Variants in TBXT observed in about 807,000 individuals in gnomAD.
TBXT encodes T brachyury transcription factor.
TBXT carries 19 observed loss-of-function variants against 41.1 expected under a neutral mutation model. That is an observed-to-expected ratio of 0.46 (90% CI 0.32 to 0.68). The LOEUF (loss-of-function observed/expected upper bound fraction) is 0.68. Among genes scored for constraint, TBXT ranks in the 30% least tolerant of loss-of-function variants. The pLI, the probability that TBXT is intolerant of heterozygous loss-of-function variation, is 0.03. For missense variants in TBXT, 536 were observed against 582.0 expected, an observed-to-expected ratio of 0.92 and a Z score of 0.81; for synonymous variants, 213 against 238.9, an observed-to-expected ratio of 0.89 and a Z score of 1.00.
chr6:166,166,604 G>A lies in TBXT; in HGVS notation c.459C>T (p.Asn153=). ...FSKVKLTNKL[N]GGGQIMLNSL... is the part of the protein sequence containing the mutation. ...TCCTCACACCTACCTGGCCCCCTCC[G>A]TTGAGCTTGTTGGTGAGCTTGACTT... The change falls in exon 2 of 8, where the codon AAC becomes AAT. Residue 153 remains asparagine, a synonymous_variant. Coordinates refer to ENST00000366876, the MANE Select transcript of TBXT (RefSeq NM_001366285.2). The A allele has an allele frequency of 6.2e-7, 1 of 1,613,962 alleles. No individual in the cohort carries two copies. Among genetic ancestry groups the A allele is most frequent in the Non-Finnish European group, 8.5e-7 (1 of 1,179,980 alleles).
Position 166,167,567 on chromosome 6 carries a change from C to T in TBXT, c.25G>A (p.Ala9Thr), listed in dbSNP as rs1779164387. Residue 9 changes from alanine (A) to threonine (T), a missense_variant, in exon 1 of 8, where the codon GCG (alanine) becomes ACG (threonine). Transcript: ENST00000366876. ...ACTCGGTACTGCAGGCTCTTTCCCG[C>T]GCTCTCGGTGCCAGGGGAGCTCATC... is the stretch of plus-strand genomic sequence containing the variant. The part of the protein sequence containing the change: MSSPGTES[A>T]GKSLQYRVDH... The T allele has an allele frequency of 1.9e-6, 3 of 1,575,760 alleles. No individual in the cohort carries two copies. Among genetic ancestry groups the T allele is most frequent in the Non-Finnish European group, 2.6e-6 (3 of 1,166,574 alleles).
At chr6:166,165,343 C>CA (rs1427571589) in intron 3 of TBXT, among the ~76,000 whole-genome samples, 1 of 152,052 alleles carries the variant, frequency 6.6e-6, no homozygotes, top group African/African-American at 2.4e-5. Flanking sequence ...GTTGCCCCCC[C>CA]ACCCTTTGGG....
At position 166,160,938 on chromosome 6, in the gene TBXT, T is replaced by C; in HGVS notation, c.936A>G (p.Leu312=). The part of the protein sequence containing the change: ...PTYSDNSPAC[L]SMLQSHDNWS... ...AATTGTCATGGGATTGCAGCATGGA[T>C]AAACATGCAGGTGAGTTGTCAGAAT... is the stretch of plus-strand genomic sequence containing the variant. Residue 312 remains leucine (L), a synonymous_variant, in exon 7 of 8, where the codon TTA becomes TTG. Coordinates refer to ENST00000366876, the MANE Select transcript of TBXT (RefSeq NM_001366285.2). 6.2e-7 allele frequency: 1 copy of C among 1,614,028 alleles called. No individual in the cohort carries two copies. The highest frequency in any genetic ancestry group is 2.2e-5 in the East Asian group (1 of 44,880).
chr6:166,164,374 C>T lies in TBXT; in HGVS notation c.730+231G>A, dbSNP rs2305087. Among the ~76,000 whole-genome samples, 864 of 152,336 alleles carry T rather than the reference C, an allele frequency of 5.7e-3. 9 individuals carry two copies. The highest frequency in any genetic ancestry group is 6.4e-3 in the East Asian group (33 of 5,186). On this transcript the variant is annotated intron_variant, in intron 5 of 7. Coordinates refer to ENST00000366876, the MANE Select transcript of TBXT (RefSeq NM_001366285.2). ...CCCAGGCATGGTGGCAGCTGCCTCA[C>T]GGCAAAACAAAAGCACCCAGGAGAG...
intron 7 of TBXT, among the ~76,000 whole-genome samples, chr6:166,159,128 C>T (rs1371779051): frequency 2.6e-5 from 4 of 152,208 alleles, no homozygotes; most frequent in Non-Finnish European, 5.9e-5. Flanking sequence ...GCTGGGATTG[C>T]ACCATTGCAC....
chr6:166,164,843 T>C lies in TBXT; in HGVS notation c.625A>G (p.Lys209Glu). ...AAAGCTTTTGCAAATGGATTGTACTTAATTTTAAGAGCTGTGATCTGAAAA... is the reference window on the plus strand; with the variant it reads ...AAAGCTTTTGCAAATGGATTGTACTCAATTTTAAGAGCTGTGATCTGAAAA... ...QNEEITALKI[K>E]YNPFAKAFLD... The change falls in exon 4 of 8, where the codon AAG becomes GAG. Residue 209 changes from lysine (K) to glutamate (E), a missense_variant. By Grantham distance (56) the Lys-to-Glu change is moderately conservative (BLOSUM62 1). Transcript: ENST00000366876. 1 of 1,612,744 alleles carries C rather than the reference T, an allele frequency of 6.2e-7. No individual in the cohort carries two copies. Among genetic ancestry groups the C allele is most frequent in the Non-Finnish European group, 8.5e-7 (1 of 1,179,896 alleles).
chr6:166,161,204 T>A (rs1279055055), intron 6 of TBXT, among the ~76,000 whole-genome samples: 1 of 152,238 alleles, frequency 6.6e-6, no homozygotes, highest in African/African-American at 2.4e-5. Context: ...TCCCTTATCA[T>A]CATTATCAGT....
chr6:166,167,348 G>A (rs1779151614), intron 1 of TBXT, 38 bp downstream of exon 1: 1 of 1,609,786 alleles, frequency 6.2e-7, no homozygotes, highest in Non-Finnish European at 8.5e-7. Flanking sequence ...CCAGGCGCTG[G>A]AGAGCGCGGC....
intron 5 of TBXT, among the ~76,000 whole-genome samples, chr6:166,163,839 C>T (rs1202994290): frequency 1.3e-5 from 2 of 152,166 alleles, no homozygotes; most frequent in East Asian, 3.9e-4. Flanking sequence ...CCGGCCCTGG[C>T]CAGAGCAGTG....
intron 1 of TBXT, 105 bp downstream of exon 1, chr6:166,167,281 C>G: frequency 1.5e-6 from 2 of 1,310,646 alleles, no homozygotes. Context: ...ACACAAAGCC[C>G]TCCTCCAGGA....
At chr6:166,164,403 C>A (rs542849500) in intron 5 of TBXT, among the ~76,000 whole-genome samples, 1 of 152,314 alleles carries the variant, frequency 6.6e-6, no homozygotes, top group Non-Finnish European at 1.5e-5. Context: ...AGGAGAGTAT[C>A]CACAGCCCCG....
chr6:166,159,390 T>A (rs1454478804), intron 7 of TBXT, among the ~76,000 whole-genome samples: 5 of 149,874 alleles, frequency 3.3e-5, no homozygotes, highest in Admixed American at 1.3e-4. Context: ...TTAGAGTAAC[T>A]CCAGTACAGA....
At chr6:166,168,564 G>T (rs1433676767), upstream of TBXT, 1 of 152,332 alleles carries the variant, frequency 6.6e-6, no homozygotes, top group Non-Finnish European at 1.5e-5. Context: ...CCGGCGTCGG[G>T]TGTCCCCGCG....
intron 1 of TBXT, 38 bp downstream of exon 1, chr6:166,167,348 G>T (rs1779151614): frequency 1.2e-6 from 2 of 1,609,904 alleles, no homozygotes. Context: ...CCAGGCGCTG[G>T]AGAGCGCGGC....
intron 2 of TBXT, 114 bp downstream of exon 2, chr6:166,166,478 A>G: frequency 6.5e-7 from 1 of 1,532,688 alleles, no homozygotes; most frequent in Non-Finnish European, 8.9e-7. Context: ...CAGTTTCTCC[A>G]GGGCAGACGT....
chr6:166,165,742 G>C lies in TBXT; in HGVS notation c.570C>G (p.Thr190=). The C allele has an allele frequency of 6.2e-7, 1 of 1,614,108 alleles. No homozygotes were observed. The highest frequency in any genetic ancestry group is 1.1e-5 in the South Asian group (1 of 91,066). ...GATAAGCAGTCACCGCTATGAACTG[G>C]GTCTCAGGGAAGCAGTGGCTGGTGA... ...RMITSHCFPE[T]QFIAVTAYQN... Residue 190 remains threonine, a synonymous_variant, in exon 3 of 8, where the codon ACC becomes ACG. Coordinates refer to ENST00000366876, the MANE Select transcript of TBXT (RefSeq NM_001366285.2).
chr6:166,160,783 A>G, intron 7 of TBXT, 54 bp downstream of exon 7: 1 of 1,610,784 alleles, frequency 6.2e-7, no homozygotes, highest in Non-Finnish European at 8.5e-7. Context: ...AACAGCGTGA[A>G]GTCACAGGCA....
At position 166,162,343 on chromosome 6, in the gene TBXT, A is replaced by T. The variant is rs1582966827; in HGVS notation, c.907+104T>A. 5 of 1,355,252 alleles carry T rather than the reference A, an allele frequency of 3.7e-6. No homozygotes were observed. In the East Asian group the frequency reaches 9.3e-5, roughly 25 times the overall value. 84.0% of individuals were successfully genotyped at this position (1,355,252 alleles called of 1,614,324 possible). On this transcript the variant is annotated intron_variant, in intron 6 of 7. Transcript: ENST00000366876. ...CTGGGCTTGGGTATGTGTTCCAGAA[A>T]ACCGTCTCCATTTTTTTAGATTCTA... is the stretch of plus-strand genomic sequence containing the variant.
chr6:166,158,554 C>A lies in TBXT; in HGVS notation c.1072G>T (p.Ala358Ser). 6.3e-7 allele frequency: 1 copy of A among 1,584,460 alleles called. No individual in the cohort carries two copies. The highest frequency in any genetic ancestry group is 8.6e-7 in the Non-Finnish European group (1 of 1,161,862). Reference sequence around the variant, plus strand: ...GCTGCCTGGGAGCCCGGGGTGACGGCGCCGTTGCTCACAGACCACAGGCTG... The same window carrying A: ...GCTGCCTGGGAGCCCGGGGTGACGGAGCCGTTGCTCACAGACCACAGGCTG... ...YPSLWSVSNG[A>S]VTPGSQAAAV... Residue 358 changes from alanine (A) to serine (S), a missense_variant, in exon 8 of 8, where the codon GCC (alanine) becomes TCC (serine). By Grantham distance (99) the Ala-to-Ser change is moderately conservative (BLOSUM62 1). Transcript: ENST00000366876.
Sources: allele counts gnomAD v4.1 joint callset (sites outside exome capture counted in the v4.1 genomes callset), GRCh38; gene constraint gnomAD v4.1.1; transcripts MANE v1.5; gene names NCBI Gene and HGNC (gene_info 2026-07-23, HGNC 2026-07-21).